SCAND3: variants seen among roughly 807,000 people sequenced by gnomAD.
SCAND3 encodes the protein SCAN domain containing 3, also known as SCAN domain-containing protein 3.
chr6:28,586,352 C>T, the SCAND3 span: 1 of 1,613,878 alleles, frequency 6.2e-7, no homozygotes, highest in Non-Finnish European at 8.5e-7. The surrounding 1 kb of genome is among the most constrained non-coding windows in gnomAD (Gnocchi z 4.4). Context: ...AAGTCACCAC[C>T]TCTTCTCCAC....
At chr6:28,605,073 T>A in the SCAND3 span, among the ~76,000 whole-genome samples, 1 of 152,138 alleles carries the variant, frequency 6.6e-6, no homozygotes, top group African/African-American at 2.4e-5. Context: ...TTTCTGATAT[T>A]AAATATTCAT....
chr6:28,605,229 G>A, the SCAND3 span, among the ~76,000 whole-genome samples: 68,098 of 152,018 alleles, frequency 0.45, 19,544 homozygotes, highest in African/African-American at 0.81. Context: ...GGCTTTGACT[G>A]CTCACTACCC....
chr6:28,597,421 C>T, the SCAND3 span, among the ~76,000 whole-genome samples: 1 of 152,228 alleles, frequency 6.6e-6, no homozygotes, highest in Non-Finnish European at 1.5e-5. Flanking sequence ...GCCACCTCGT[C>T]ACATGCTAAG....
At chr6:28,575,166 G>A in the SCAND3 span, 1 of 1,614,126 alleles carries the variant, frequency 6.2e-7, no homozygotes, top group Non-Finnish European at 8.5e-7. The surrounding 1 kb of genome is among the most constrained non-coding windows in gnomAD (Gnocchi z 4.2). Context: ...TCTGTTGCAT[G>A]CTTCTGTGAT....
chr6:28,585,995 A>T, the SCAND3 span, among the ~76,000 whole-genome samples: 1 of 152,216 alleles, frequency 6.6e-6, no homozygotes, highest in South Asian at 2.1e-4. Context: ...AAAGACAGTA[A>T]TTTTTTAAAA....
chr6:28,576,587 G>A, the SCAND3 span, among the ~76,000 whole-genome samples: 1 of 151,946 alleles, frequency 6.6e-6, no homozygotes, highest in East Asian at 1.9e-4. Flanking sequence ...TTTGATTAAG[G>A]AATCCAACTT....
the SCAND3 span, chr6:28,572,932 TG>T: frequency 8.7e-6 from 14 of 1,614,064 alleles, no homozygotes; most frequent in Non-Finnish European, 1.1e-5. The surrounding 1 kb of genome is among the most constrained non-coding windows in gnomAD (Gnocchi z 4.1). Context: ...TTCCTTAATC[TG>T]GGTTACCACT....
the SCAND3 span, chr6:28,573,923 TA>T: frequency 1.5e-6 from 2 of 1,330,284 alleles, no homozygotes; most frequent in Admixed American, 3.6e-5. Context: ...TTGATTAAAA[TA>T]AAAAATTATT....
At chr6:28,571,716 A>G in the SCAND3 span, 1 of 480,984 alleles carries the variant, frequency 2.1e-6, no homozygotes, top group South Asian at 6.2e-5. Flanking sequence ...ATAGAATTAT[A>G]AAAACTGTAC....
chr6:28,608,349 C>G, the SCAND3 span, among the ~76,000 whole-genome samples: 2 of 152,128 alleles, frequency 1.3e-5, no homozygotes, highest in Admixed American at 1.3e-4. Context: ...TTGCAACTGA[C>G]CCCCTGGCTC....
At chr6:28,588,814 G>C in the SCAND3 span, among the ~76,000 whole-genome samples, 1 of 152,150 alleles carries the variant, frequency 6.6e-6, no homozygotes, top group African/African-American at 2.4e-5. This position sits in a 1 kb window ranked among gnomAD's most constrained non-coding sequence, Gnocchi z 4.1. Context: ...CTGTAGAAGA[G>C]ACTATTTTGA....
At chr6:28,608,019 T>C in the SCAND3 span, among the ~76,000 whole-genome samples, 5 of 152,162 alleles carry the variant, frequency 3.3e-5, no homozygotes, top group African/African-American at 1.2e-4. Flanking sequence ...CTAATTGCCA[T>C]CATGTTCCCA....
the SCAND3 span, among the ~76,000 whole-genome samples, chr6:28,598,200 C>A: frequency 2.0e-5 from 3 of 152,126 alleles, no homozygotes; most frequent in African/African-American, 7.2e-5. Context: ...GGCCACTTAA[C>A]CAACTCCATC....
the SCAND3 span, among the ~76,000 whole-genome samples, chr6:28,576,915 C>T: frequency 2.7e-5 from 4 of 149,002 alleles, no homozygotes; most frequent in East Asian, 7.8e-4. Context: ...CGGTCTCAGA[C>T]TTTTTTTTTT....
At chr6:28,600,127 A>T in the SCAND3 span, among the ~76,000 whole-genome samples, 1 of 152,246 alleles carries the variant, frequency 6.6e-6, no homozygotes, top group Non-Finnish European at 1.5e-5. Context: ...GGAAAAAAAA[A>T]TAAGTTGGAT....
chr6:28,583,865 A>G, the SCAND3 span, among the ~76,000 whole-genome samples: 1 of 152,002 alleles, frequency 6.6e-6, no homozygotes, highest in African/African-American at 2.4e-5. Context: ...CTGTAGAAAG[A>G]TCCTGTGTGT....
At chr6:28,576,240 T>C in the SCAND3 span, 1 of 838,902 alleles carries the variant, frequency 1.2e-6, no homozygotes, top group Non-Finnish European at 1.8e-6. Flanking sequence ...GTAGGGAATA[T>C]GGACACACAA....
At chr6:28,595,330 C>CAAAAAAAAAAAAAA in the SCAND3 span, among the ~76,000 whole-genome samples, 6 of 37,328 alleles carry the variant, frequency 1.6e-4, 1 homozygote, top group Admixed American at 7.5e-4. Context: ...AACCCAGTCT[C>CAAAAAAAAAAAAAA]AAAAAAAAAA....
the SCAND3 span, among the ~76,000 whole-genome samples, chr6:28,596,619 A>T: frequency 6.7e-6 from 1 of 150,358 alleles, no homozygotes; most frequent in Non-Finnish European, 1.5e-5. Context: ...TAAAATAAAA[A>T]ATATATATTT....
Sources: allele counts gnomAD v4.1 joint callset (sites outside exome capture counted in the v4.1 genomes callset), GRCh38; gene constraint gnomAD v4.1.1; non-coding constraint Gnocchi (gnomAD v3.1); transcripts MANE v1.5; gene names NCBI Gene and HGNC (gene_info 2026-07-23, HGNC 2026-07-21).